Variants in ROPN1 observed in about 807,000 individuals in gnomAD.
The protein encoded by ROPN1 is ropporin-1A.
Under a neutral mutation model 20.5 loss-of-function variants are expected in ROPN1, and 14 were observed. The observed-to-expected ratio is 0.68, with a 90% confidence interval of 0.45 to 1.07. The LOEUF (loss-of-function observed/expected upper bound fraction) is 1.07, where lower values mean the gene tolerates loss of function less well. Ranked by LOEUF, ROPN1 falls within the 50% of genes least tolerant of loss-of-function variation. The probability of loss-of-function intolerance (pLI) is 0.00; values close to 1 mark genes in which losing one functional copy is unlikely to be tolerated. For missense variants in ROPN1, 169 were observed against 242.8 expected, an observed-to-expected ratio of 0.70 and a Z score of 2.02; for synonymous variants, 76 against 95.7, an observed-to-expected ratio of 0.79 and a Z score of 1.20.
At chr3:123,980,138 T>C in intron 2 of ROPN1, 1 of 579,508 alleles carries the variant, frequency 1.7e-6, no homozygotes, top group Non-Finnish European at 3.1e-6. Context: ...TGACCTGGCG[T>C]CCTACTGCTC....
In ROPN1 at chr3:123,979,404, C is replaced by T. The variant is rs558037256; in HGVS notation, c.116+962G>A. On this transcript the variant is annotated intron_variant, in intron 2 of 5. Coordinates refer to ENST00000405845, the MANE Select transcript of ROPN1 (RefSeq NM_001317774.2). ...GGCCTCTCTCACTCTCACTTTCCCACTGAAACCCTCCTAAGCAGGGAATCA... is the reference window on the plus strand; with the variant it reads ...GGCCTCTCTCACTCTCACTTTCCCATTGAAACCCTCCTAAGCAGGGAATCA... 7.5e-4 allele frequency: 260 copies of T among 345,524 alleles called. 2 individuals are homozygous for T. The highest frequency in any genetic ancestry group is 1.1e-3 in the Middle Eastern group (1 of 950). The allele number at this position is 345,524 out of a possible 1,614,324, so 21.4% of individuals were successfully genotyped here.
At chr3:123,986,018 A>AAAAAAAACAAT in intron 1 of ROPN1, among the ~76,000 whole-genome samples, 1 of 93,966 alleles carries the variant, frequency 1.1e-5, no homozygotes, top group Non-Finnish European at 2.0e-5. Context: ...AAAAAAAAAA[A>AAAAAAAACAAT]TCAAAATATT....
rs149503908 is a variant in ROPN1 at position 123,977,116 on chromosome 3, T to C, written c.117-135A>G. On this transcript the variant is annotated intron_variant, in intron 2 of 5. Transcript: ENST00000405845. ...TTTGTTAAGTGGCTTCTATGTGTCA[T>C]TGTGTTTAGTTCACTTACATATGGG... 5.6e-5 allele frequency: 46 copies of C among 822,660 alleles called. No homozygotes were observed. In the East Asian group the frequency reaches 1.1e-3, roughly 20 times the overall value. The allele number at this position is 822,660 out of a possible 1,614,324, so 51.0% of individuals were successfully genotyped here.
chr3:123,978,215 G>T (rs2038064689), intron 2 of ROPN1, among the ~76,000 whole-genome samples: 1 of 151,768 alleles, frequency 6.6e-6, no homozygotes, highest in Non-Finnish European at 1.5e-5. Flanking sequence ...AGCAGGAAGG[G>T]CACCTTTAAC....
intron 1 of ROPN1, among the ~76,000 whole-genome samples, chr3:123,986,156 T>C (rs1359400789): frequency 6.6e-6 from 1 of 151,244 alleles, no homozygotes; most frequent in Non-Finnish European, 1.5e-5. Context: ...AAATTTCATG[T>C]GATTTATTTA....
At chr3:123,979,256 T>C in intron 2 of ROPN1, 5 of 354,018 alleles carry the variant, frequency 1.4e-5, no homozygotes, top group South Asian at 8.5e-5. Context: ...AGGCCCCTCT[T>C]AGATGCCATT....
chr3:123,987,744 C>T (rs549778161), intron 1 of ROPN1, among the ~76,000 whole-genome samples: 2 of 152,336 alleles, frequency 1.3e-5, no homozygotes, highest in South Asian at 2.1e-4. Context: ...TCCTACTTGA[C>T]CTTGTCCTTT....
intron 1 of ROPN1, among the ~76,000 whole-genome samples, chr3:123,988,840 T>C (rs1010622845): frequency 6.6e-6 from 1 of 151,098 alleles, no homozygotes. Context: ...TGGAAGAGAG[T>C]GACAGGAAAA....
At chr3:123,987,272 T>C (rs535520836) in intron 1 of ROPN1, among the ~76,000 whole-genome samples, 6 of 152,288 alleles carry the variant, frequency 3.9e-5, no homozygotes, top group South Asian at 4.1e-4. Context: ...ACTCACTCGT[T>C]CCCCCAGAGC....
rs539539283 is a variant in ROPN1 at position 123,983,547 on chromosome 3, C to T, written c.-12-3054G>A. On this transcript the variant is annotated intron_variant, in intron 1 of 5. Coordinates refer to ENST00000405845, the MANE Select transcript of ROPN1 (RefSeq NM_001317774.2). ...CAGTATAGAGCAAACTTAAGTAAAG[C>T]CTTTACTTCATCCCATTGCTGTTTC... Among the ~76,000 whole-genome samples the T allele has an allele frequency of 6.4e-4, 97 of 152,256 alleles. 2 individuals are homozygous for T. The South Asian group carries it at 0.02, about 31-fold the overall frequency.
intron 4 of ROPN1, among the ~76,000 whole-genome samples, chr3:123,971,558 T>G (rs79577200): frequency 0.045 from 6,853 of 152,214 alleles, 213 homozygotes; most frequent in African/African-American, 0.091. Flanking sequence ...CATCTTCTAC[T>G]CACTTTCACT....
Position 123,970,062 on chromosome 3 carries a change from T to A in ROPN1, c.552A>T (p.Leu184=). 6.2e-7 allele frequency: 1 copy of A among 1,614,092 alleles called. No homozygotes were observed. The highest frequency in any genetic ancestry group is 8.5e-7 in the Non-Finnish European group (1 of 1,180,012). The change falls in exon 5 of 6, where the codon CTA becomes CTT. Residue 184 remains leucine, a synonymous_variant. Coordinates refer to ENST00000405845, the MANE Select transcript of ROPN1 (RefSeq NM_001317774.2). Reference sequence around the variant, plus strand: ...CTTACACTTCCTGTTCCATGTAGTTTAGCATCCTGCTGACATGTGATGCAG... The same window carrying A: ...CTTACACTTCCTGTTCCATGTAGTTAAGCATCCTGCTGACATGTGATGCAG... ...EISASHVSRM[L]NYMEQEVIGP...
At position 123,978,156 on chromosome 3, in the gene ROPN1, A is replaced by T. The variant is rs186180082; in HGVS notation, c.117-1175T>A. On this transcript the variant is annotated intron_variant, in intron 2 of 5. Coordinates refer to ENST00000405845, the MANE Select transcript of ROPN1 (RefSeq NM_001317774.2). ...GAGCCACGTAGCAAGGCAGAGCGAA[A>T]GCTACATGGACTAAAGCAGTAATTG... 3.8e-4 allele frequency among the ~76,000 whole-genome samples: 58 copies of T among 152,324 alleles called. No individual in the cohort carries two copies. The East Asian group carries it at 9.1e-3, about 24-fold the overall frequency.
chr3:123,977,231 C>A (rs1471803012), intron 2 of ROPN1, among the ~76,000 whole-genome samples: 5 of 152,094 alleles, frequency 3.3e-5, no homozygotes, highest in African/African-American at 1.2e-4. Context: ...GAGGAAGAAC[C>A]AAGAAAAGTT....
chr3:123,969,366 T>A, intron 5 of ROPN1, 145 bp from the exon 6 acceptor site: 2 of 718,932 alleles, frequency 2.8e-6, no homozygotes, highest in South Asian at 3.6e-5. Flanking sequence ...TGAGACAGGG[T>A]CTGGCTCTGT....
Position 123,980,483 on chromosome 3 carries a change from G to A in ROPN1, c.-2C>T. ...TGTTGGCTTATCTGTCTGAGCCATT[G>A]ATTGGTTGGCCTATTCTCAGGAGAA... is the stretch of plus-strand genomic sequence containing the variant. On this transcript the variant is annotated 5_prime_UTR_variant, in exon 2 of 6. Transcript: ENST00000405845. The A allele has an allele frequency of 6.2e-7, 1 of 1,614,016 alleles. No homozygotes were observed. Among genetic ancestry groups the A allele is most frequent in the Admixed American group, 1.7e-5 (1 of 60,018 alleles).
intron 4 of ROPN1, among the ~76,000 whole-genome samples, chr3:123,971,898 A>G (rs970026436): frequency 6.6e-6 from 1 of 152,230 alleles, no homozygotes; most frequent in Non-Finnish European, 1.5e-5. Flanking sequence ...GTATTTGAAC[A>G]TACGACCGTT....
At chr3:123,985,992 C>CAAAAAAAAAAAAAAAAAAAA (rs35677015) in intron 1 of ROPN1, among the ~76,000 whole-genome samples, 2 of 22,124 alleles carry the variant, frequency 9.0e-5, no homozygotes, top group African/African-American at 1.8e-4. Flanking sequence ...GACCTTGTCT[C>CAAAAAAAAAAAAAAAAAAAA]AAAAAAAAAA....
chr3:123,988,063 C>T (rs1205962368), intron 1 of ROPN1, among the ~76,000 whole-genome samples: 4 of 152,184 alleles, frequency 2.6e-5, no homozygotes, highest in Admixed American at 2.6e-4. Context: ...CACCTTAGCC[C>T]TGTCTTATAT....
Sources: gnomAD v4.1 joint callset for allele counts (sites outside exome capture counted in the v4.1 genomes callset) on GRCh38, gnomAD v4.1.1 for gene constraint, MANE v1.5 for transcripts, NCBI Gene and HGNC (gene_info 2026-07-23, HGNC 2026-07-21) for gene names.